ZBED6: variants seen among roughly 807,000 people sequenced by gnomAD.
ZBED6 encodes the protein zinc finger BED domain-containing protein 6.
ZBED6 carries 40 observed loss-of-function variants against 58.4 expected under a neutral mutation model. The ratio of observed to expected loss-of-function variants is 0.68; its 90% CI spans 0.53 to 0.89. The LOEUF is 0.89. ZBED6 is among the 40% of genes least tolerant of loss of function. The pLI, the probability that ZBED6 is intolerant of heterozygous loss-of-function variation, is 0.00. For synonymous variants in ZBED6, 439 were observed against 350.6 expected, an observed-to-expected ratio of 1.25 and a Z score of -2.82; for missense variants, 1,057 against 1,003.9, an observed-to-expected ratio of 1.05 and a Z score of -0.71.
At position 203,797,836 on chromosome 1, in the gene ZBED6, A is replaced by G. The variant is rs3737972; in HGVS notation, c.314A>G (p.Asn105Ser). ...GATGCCCCTGCTTTGTTAGCTTCCA[A>G]TGACCCTGAGCAGGATGAAGAAAGT... Residue 105 changes from asparagine to serine, a missense_variant, in exon 1 of 17, where the codon AAT becomes AGT. Coordinates refer to ENST00000550078, the Ensembl canonical transcript of ZBED6. 0.029 allele frequency: 44,179 copies of G among 1,535,986 alleles called. 3,228 individuals carry two copies. In the East Asian group the frequency reaches 0.33, roughly 11 times the overall value.
intron 1 of ZBED6, among the ~76,000 whole-genome samples, chr1:203,816,102 CAG>C (rs1227385270): frequency 6.6e-6 from 1 of 152,110 alleles, no homozygotes; most frequent in Non-Finnish European, 1.5e-5. Flanking sequence ...TCTAGCTAAA[CAG>C]GGTTTTCTCA....
chr1:203,844,365 G>A (rs1391613002), intron 11 of ZBED6, among the ~76,000 whole-genome samples: 2 of 151,352 alleles, frequency 1.3e-5, no homozygotes, highest in Non-Finnish European at 2.9e-5. Flanking sequence ...TCACCCTGTT[G>A]GCCAGGCTAG....
intron 1 of ZBED6, among the ~76,000 whole-genome samples, chr1:203,813,534 C>T (rs1675224137): frequency 6.6e-6 from 1 of 152,040 alleles, no homozygotes; most frequent in Non-Finnish European, 1.5e-5. Flanking sequence ...AAAGACTATC[C>T]TTTTCCCCTT....
chr1:203,831,557 A>G (rs1682383476), intron 7 of ZBED6, 104 bp from the exon 8 acceptor site: 1 of 849,238 alleles, frequency 1.2e-6, no homozygotes, highest in African/African-American at 1.7e-5. Context: ...TAGTCATAAT[A>G]TCAGTCTGTA....
At chr1:203,799,706 A>T (rs1437800513) in exon 1 of ZBED6, 8 of 720,168 alleles carry the variant, frequency 1.1e-5, no homozygotes, top group East Asian at 2.7e-5. Flanking sequence ...AACTCAGAGA[A>T]GATTTTCAAG....
At chr1:203,845,738 A>C (rs1294674132) in intron 11 of ZBED6, among the ~76,000 whole-genome samples, 1 of 151,976 alleles carries the variant, frequency 6.6e-6, no homozygotes, top group East Asian at 1.9e-4. Flanking sequence ...GGTCGTGGGC[A>C]CCTGTAGGCC....
rs1558084524 is a variant in ZBED6, at chr1:203,796,572, G to A, written c.-951G>A. On this transcript the variant is annotated 5_prime_UTR_variant, in exon 1 of 17. The change creates a new upstream start codon in the 5' untranslated region. Transcript: ENST00000550078. ...GGTTCTGGACCTTGAGAAAGAGGCT[G>A]TGGAACTAGAGATAGCGATGCTTTT... 2.5e-6 allele frequency: 1 copy of A among 398,092 alleles called. No homozygotes were observed. The highest frequency in any genetic ancestry group is 1.3e-4 in the South Asian group (1 of 7,604). The allele number at this position is 398,092 out of a possible 1,614,324, so 24.7% of individuals were successfully genotyped here.
At chr1:203,832,766 G>A (rs761727466) in intron 8 of ZBED6, among the ~76,000 whole-genome samples, 4 of 152,230 alleles carry the variant, frequency 2.6e-5, no homozygotes, top group Non-Finnish European at 4.4e-5. Context: ...TTAGAAGAAA[G>A]AGAGCTCACT....
exon 1 of ZBED6, chr1:203,799,390 G>A (rs1313429158): frequency 2.8e-6 from 2 of 703,112 alleles, no homozygotes; most frequent in Non-Finnish European, 5.2e-6. Context: ...GTCAAGGCCC[G>A]TCAGATACTG....
Position 203,798,707 on chromosome 1 carries a change from GGA to G in ZBED6, c.1192_1193del (p.Glu398AsnfsTer45), listed in dbSNP as rs989086525. 2 of 1,536,028 alleles carry G rather than the reference GGA, an allele frequency of 1.3e-6. No individual in the cohort carries two copies. Among genetic ancestry groups the G allele is most frequent in the Non-Finnish European group, 1.7e-6 (2 of 1,146,924 alleles). Reference sequence around the variant, plus strand: ...AGCAAGGCACTCTGATGCGTGCGCAGGAGAGAGAAACAACATGTTGTGGAAAT... The same window carrying G: ...AGCAAGGCACTCTGATGCGTGCGCAGGAGAGAAACAACATGTTGTGGAAAT... On this transcript the variant is annotated frameshift_variant, in exon 1 of 17. Coordinates refer to ENST00000550078, the Ensembl canonical transcript of ZBED6. LOFTEE classifies it high-confidence loss of function.
intron 1 of ZBED6, among the ~76,000 whole-genome samples, chr1:203,808,227 A>C (rs1455790266): frequency 6.7e-6 from 1 of 149,470 alleles, no homozygotes; most frequent in African/African-American, 2.4e-5. Flanking sequence ...TTCTAAACTT[A>C]AAGGTCATAA....
chr1:203,820,402 G>A (rs1306420641), intron 3 of ZBED6, among the ~76,000 whole-genome samples: 1 of 151,776 alleles, frequency 6.6e-6, no homozygotes, highest in African/African-American at 2.4e-5. Context: ...TTCAATTTGG[G>A]TTTGTTTGTA....
intron 11 of ZBED6, among the ~76,000 whole-genome samples, chr1:203,844,177 T>C (rs1299074223): frequency 6.6e-6 from 1 of 150,824 alleles, no homozygotes; most frequent in Admixed American, 6.6e-5. Flanking sequence ...TTTTTATTTT[T>C]GTTTGAGACA....
At chr1:203,838,982 A>T (rs1214841348) in intron 10 of ZBED6, among the ~76,000 whole-genome samples, 3 of 151,734 alleles carry the variant, frequency 2.0e-5, no homozygotes, top group Admixed American at 1.3e-4. Context: ...AAAAGAAAGA[A>T]AGAAAGGTTA....
chr1:203,795,742 G>C (rs1443499016), exon 1 of ZBED6: 1 of 152,220 alleles, frequency 6.6e-6, no homozygotes, highest in African/African-American at 2.4e-5. Flanking sequence ...AGACGTGGCA[G>C]CAAGCGGGAG....
At chr1:203,836,608 T>G in intron 9 of ZBED6, among the ~76,000 whole-genome samples, 1 of 151,984 alleles carries the variant, frequency 6.6e-6, no homozygotes, top group African/African-American at 2.4e-5. Flanking sequence ...TACAAAAAAG[T>G]CTACTAAAAA....
intron 11 of ZBED6, among the ~76,000 whole-genome samples, chr1:203,844,006 C>CGCT (rs1558140750): frequency 1.3e-5 from 2 of 149,764 alleles, no homozygotes; most frequent in African/African-American, 4.9e-5. Flanking sequence ...TACAGGCATG[C>CGCT]GCTACCACGC....
At chr1:203,834,205 C>T in intron 9 of ZBED6, 1 of 450,314 alleles carries the variant, frequency 2.2e-6, no homozygotes, top group Non-Finnish European at 3.0e-6. Flanking sequence ...ATACAGGAAT[C>T]CCTAAGAAGA....
chr1:203,849,573 A>G lies in ZBED6; in HGVS notation c.*4323-138A>G, dbSNP rs1421619665. Reference sequence around the variant, plus strand: ...ATCTTTAACAGGGTATTGTCTATTTAACATCAAATAAAGAGCTTTTCTCTC... The same window carrying G: ...ATCTTTAACAGGGTATTGTCTATTTGACATCAAATAAAGAGCTTTTCTCTC... On this transcript the variant is annotated intron_variant, in intron 13 of 16. Coordinates refer to ENST00000550078, the Ensembl canonical transcript of ZBED6. 10 of 818,228 alleles carry G rather than the reference A, an allele frequency of 1.2e-5. 1 individual carries two copies. The allele number at this position is 818,228 out of a possible 1,614,324, so 50.7% of individuals were successfully genotyped here. A position where few individuals can be genotyped will look rare whatever the true frequency, so the allele number is the denominator to read the frequency against.
Sources: gnomAD v4.1 joint callset for allele counts (sites outside exome capture counted in the v4.1 genomes callset) on GRCh38, gnomAD v4.1.1 for gene constraint, MANE v1.5 for transcripts, NCBI Gene and HGNC (gene_info 2026-07-23, HGNC 2026-07-21) for gene names.